Variants in BTG1 observed in about 807,000 individuals in gnomAD.
The protein encoded by BTG1 is protein BTG1.
In BTG1, 2 loss-of-function variants were observed where a neutral mutation model predicts 15.2. That is an observed-to-expected ratio of 0.13 (90% CI 0.05 to 0.41). The LOEUF is 0.41. Among genes scored for constraint, BTG1 ranks in the 10% least tolerant of loss-of-function variants. BTG1 has a pLI of 0.99. For missense variants in BTG1, 149 were observed against 215.0 expected (o/e 0.69, Z 1.92); for synonymous variants, 109 against 82.4 (o/e 1.32, Z -1.75).
chr12:92,145,230 C>T, intron 1 of BTG1, 158 bp downstream of exon 1: 1 of 1,169,412 alleles, frequency 8.6e-7, no homozygotes, highest in Non-Finnish European at 1.1e-6. Flanking sequence ...CGCGGGGAAC[C>T]GCTGTTAGCG....
chr12:92,143,930 ATTTT>A lies in BTG1; in HGVS notation c.*146_*149del. 1.2e-6 allele frequency: 1 copy of A among 806,296 alleles called. No homozygotes were observed. Among genetic ancestry groups the A allele is most frequent in the Non-Finnish European group, 1.8e-6 (1 of 545,620 alleles). The allele number at this position is 806,296 out of a possible 1,614,324, so 49.9% of individuals were successfully genotyped here. ...CCAAACTATGGCACTGTCACTTAAA[ATTTT>A]TTTTTTTTTTACCATTCTATCTTGT... On this transcript the variant is annotated 3_prime_UTR_variant, in exon 2 of 2. Transcript: ENST00000256015.
chr12:92,145,783 C>T lies in BTG1; in HGVS notation c.-248G>A. ...CACATCGCTCGGACCTCCCCAGCTG[C>T]CTCCGCCTCCAGCTCCGCAGCATTC... On this transcript the variant is annotated 5_prime_UTR_variant, in exon 1 of 2. Transcript: ENST00000256015. The T allele has an allele frequency of 3.6e-6, 1 of 277,074 alleles. No homozygotes were observed. The highest frequency in any genetic ancestry group is 6.7e-6 in the Non-Finnish European group (1 of 148,486). The allele number at this position is 277,074 out of a possible 1,614,324, so 17.2% of individuals were successfully genotyped here. A position where few individuals can be genotyped will look rare whatever the true frequency, so the allele number is the denominator to read the frequency against.
intron 1 of BTG1, 63 bp from the exon 2 acceptor site, chr12:92,144,510 C>A (rs2136948679): frequency 6.3e-7 from 1 of 1,585,884 alleles, no homozygotes; most frequent in South Asian, 1.2e-5. Flanking sequence ...CTGCGGATTC[C>A]TCCTACCCCA....
chr12:92,145,776 C>T lies in BTG1; in HGVS notation c.-241G>A. The T allele has an allele frequency of 3.6e-6, 1 of 280,382 alleles. No homozygotes were observed. The highest frequency in any genetic ancestry group is 6.6e-6 in the Non-Finnish European group (1 of 150,718). 17.4% of individuals were successfully genotyped at this position (280,382 alleles called of 1,614,324 possible). ...GCCTGGTCACATCGCTCGGACCTCC[C>T]CAGCTGCCTCCGCCTCCAGCTCCGC... On this transcript the variant is annotated 5_prime_UTR_variant, in exon 1 of 2. Transcript: ENST00000256015.
rs1870398467 is a variant in BTG1 at position 92,143,702 on chromosome 12, A to T, written c.*378T>A. 3.7e-6 allele frequency: 1 copy of T among 266,916 alleles called. No individual in the cohort carries two copies. Among genetic ancestry groups the T allele is most frequent in the Non-Finnish European group, 7.1e-6 (1 of 140,192 alleles). 16.5% of individuals were successfully genotyped at this position (266,916 alleles called of 1,614,324 possible). A position where few individuals can be genotyped will look rare whatever the true frequency, so the allele number is the denominator to read the frequency against. On this transcript the variant is annotated 3_prime_UTR_variant, in exon 2 of 2. Transcript: ENST00000256015. ...AAAAGGTTAACAATAACAACTTTCA[A>T]GTGTAATAGTGCAAATTCCCCTGCG...
intron 1 of BTG1, chr12:92,145,012 A>C: frequency 5.5e-6 from 1 of 182,058 alleles, no homozygotes. Flanking sequence ...TGGGCCGCCG[A>C]CCACGCAACG....
Position 92,142,129 on chromosome 12 carries a change from T to C in BTG1, c.*1951A>G, listed in dbSNP as rs1870272881. 1 of 232,286 alleles carries C rather than the reference T, an allele frequency of 4.3e-6. No homozygotes were observed. Among genetic ancestry groups the C allele is most frequent in the Non-Finnish European group, 8.5e-6 (1 of 117,458 alleles). The allele number at this position is 232,286 out of a possible 1,614,324, so 14.4% of individuals were successfully genotyped here. On this transcript the variant is annotated 3_prime_UTR_variant, in exon 2 of 2. Coordinates refer to ENST00000256015, the MANE Select transcript of BTG1 (RefSeq NM_001731.3). Reference sequence around the variant, plus strand: ...GTCCATGTGTTGCGGGTCTACGAATTCTAACTCTCGAGAATGGTGTGCCAA... The same window carrying C: ...GTCCATGTGTTGCGGGTCTACGAATCCTAACTCTCGAGAATGGTGTGCCAA...
rs752167067 is a variant in BTG1 at position 92,145,535 on chromosome 12, T to TGGGGGCGGCGTGC, written c.-13_-1dup. The TGGGGGCGGCGTGC allele has an allele frequency of 1.7e-5, 25 of 1,501,070 alleles. No homozygotes were observed. Among genetic ancestry groups the TGGGGGCGGCGTGC allele is most frequent in the Non-Finnish European group, 2.2e-5 (25 of 1,120,378 alleles). The allele number at this position is 1,501,070 out of a possible 1,614,324, so 93.0% of individuals were successfully genotyped here. A position where few individuals can be genotyped will look rare whatever the true frequency, so the allele number is the denominator to read the frequency against. ...GCGGCCCGGGTGTAGAAGGGATGCA[T>TGGGGGCGGCGTGC]GGGGGCGGCGTGCGGGGGCGGCCCG... On this transcript the variant is annotated 5_prime_UTR_variant, in exon 1 of 2. Transcript: ENST00000256015.
In BTG1 at chr12:92,144,339, C is replaced by T; in HGVS notation, c.257G>A (p.Arg86Gln). The stretch of plus-strand genomic sequence containing the variant: ...CAGCTCCTGACTGCTCAGTCCAATC[C>T]GCTGTGCTGCCTGTCCAATCAGAGG... ...MDPLIGQAAQ[R>Q]IGLSSQELFR... is the part of the protein sequence containing the mutation. Residue 86 changes from arginine to glutamine, a missense_variant, in exon 2 of 2, where the codon CGG becomes CAG. Transcript: ENST00000256015. 1 of 1,614,190 alleles carries T rather than the reference C, an allele frequency of 6.2e-7. No homozygotes were observed. Among genetic ancestry groups the T allele is most frequent in the Non-Finnish European group, 8.5e-7 (1 of 1,180,028 alleles).
Position 92,141,141 on chromosome 12 carries a change from C to A in BTG1, c.*2939G>T, listed in dbSNP as rs1870192463. The A allele has an allele frequency of 4.3e-6, 1 of 232,636 alleles. No homozygotes were observed. The highest frequency in any genetic ancestry group is 8.5e-6 in the Non-Finnish European group (1 of 117,764). The allele number at this position is 232,636 out of a possible 1,614,324, so 14.4% of individuals were successfully genotyped here. On this transcript the variant is annotated 3_prime_UTR_variant, in exon 2 of 2. Coordinates refer to ENST00000256015, the MANE Select transcript of BTG1 (RefSeq NM_001731.3). ...GGGAATACGGCTTCCTTCCTTTTAA[C>A]TTGAAGGCCAATTTCATAAACTGCA... is the stretch of plus-strand genomic sequence containing the variant.
In BTG1 at chr12:92,144,035, C is replaced by T. The variant is rs1188247562; in HGVS notation, c.*45G>A. ...AGAGGAGCCCACCCAAAGCAAAAAT[C>T]AAATTTATCCATCATCATCAGATGA... On this transcript the variant is annotated 3_prime_UTR_variant, in exon 2 of 2. Coordinates refer to ENST00000256015, the MANE Select transcript of BTG1 (RefSeq NM_001731.3). 94 of 1,595,678 alleles carry T rather than the reference C, an allele frequency of 5.9e-5. No individual in the cohort carries two copies. The highest frequency in any genetic ancestry group is 7.1e-5 in the Non-Finnish European group (84 of 1,175,496).
chr12:92,145,121 C>G (rs954959738), intron 1 of BTG1: 2 of 333,526 alleles, frequency 6.0e-6, no homozygotes, highest in Non-Finnish European at 1.0e-5. Flanking sequence ...CAGCTCCCGC[C>G]TCGGTGGGCT....
rs1056078168 is a variant in BTG1, at chr12:92,143,052, T to C, written c.*1028A>G. ...CAGCATGACCAGTGTGCAACAGAGA[T>C]TCAGTTTATAGAACCTGTCTTCTAA... On this transcript the variant is annotated 3_prime_UTR_variant, in exon 2 of 2. Coordinates refer to ENST00000256015, the MANE Select transcript of BTG1 (RefSeq NM_001731.3). 2.6e-5 allele frequency: 6 copies of C among 232,744 alleles called. No individual in the cohort carries two copies. Among genetic ancestry groups the C allele is most frequent in the Admixed American group, 5.6e-5 (1 of 17,776 alleles). The allele number at this position is 232,744 out of a possible 1,614,324, so 14.4% of individuals were successfully genotyped here. A position where few individuals can be genotyped will look rare whatever the true frequency, so the allele number is the denominator to read the frequency against.
chr12:92,141,255 T>G lies in BTG1; in HGVS notation c.*2825A>C, dbSNP rs1870204346. On this transcript the variant is annotated 3_prime_UTR_variant, in exon 2 of 2. Transcript: ENST00000256015. ...TTTGTGCAATGTACCTGAAAGCCAC[T>G]TTCTGGTGGCCTTTCCAGTCTATTA... 1 of 232,530 alleles carries G rather than the reference T, an allele frequency of 4.3e-6. No homozygotes were observed. The highest frequency in any genetic ancestry group is 8.5e-6 in the Non-Finnish European group (1 of 117,666). 14.4% of individuals were successfully genotyped at this position (232,530 alleles called of 1,614,324 possible).
At chr12:92,145,248 A>T (rs1870508408) in intron 1 of BTG1, 140 bp downstream of exon 1, 1 of 1,255,752 alleles carries the variant, frequency 8.0e-7, no homozygotes, top group South Asian at 2.1e-5. Flanking sequence ...GCGGCCACCC[A>T]GCGCAACCAC....
rs1261004483 is a variant in BTG1, at chr12:92,142,013, T to C, written c.*2067A>G. Reference sequence around the variant, plus strand: ...AGACCCATTTAAAAACAACCCTACCTGGTGTTTTTATTGTAATTCAAGTTT... The same window carrying C: ...AGACCCATTTAAAAACAACCCTACCCGGTGTTTTTATTGTAATTCAAGTTT... On this transcript the variant is annotated 3_prime_UTR_variant, in exon 2 of 2. Coordinates refer to ENST00000256015, the MANE Select transcript of BTG1 (RefSeq NM_001731.3). The C allele has an allele frequency of 4.3e-6, 1 of 231,754 alleles. No individual in the cohort carries two copies. The highest frequency in any genetic ancestry group is 8.5e-6 in the Non-Finnish European group (1 of 117,144). The allele number at this position is 231,754 out of a possible 1,614,324, so 14.4% of individuals were successfully genotyped here.
At position 92,142,988 on chromosome 12, in the gene BTG1, T is replaced by A. The variant is rs951271162; in HGVS notation, c.*1092A>T. 4 of 232,924 alleles carry A rather than the reference T, an allele frequency of 1.7e-5. No individual in the cohort carries two copies. The highest frequency in any genetic ancestry group is 5.6e-5 in the Admixed American group (1 of 17,782). The allele number at this position is 232,924 out of a possible 1,614,324, so 14.4% of individuals were successfully genotyped here. On this transcript the variant is annotated 3_prime_UTR_variant, in exon 2 of 2. Transcript: ENST00000256015. Reference sequence around the variant, plus strand: ...GTGTTTCCTGTAAAACCTAAACATGTATATACAGAGCATCTTCATTCCTCA... The same window carrying A: ...GTGTTTCCTGTAAAACCTAAACATGAATATACAGAGCATCTTCATTCCTCA...
chr12:92,145,585 GC>G lies in BTG1; in HGVS notation c.-51del. ...GGGGCGGCTGGGGCTCGGCGGCGCG[GC>G]CCCGACGGCGGAGCAGCCACCCCGG... On this transcript the variant is annotated 5_prime_UTR_variant, in exon 1 of 2. Coordinates refer to ENST00000256015, the MANE Select transcript of BTG1 (RefSeq NM_001731.3). 1 of 1,251,624 alleles carries G rather than the reference GC, an allele frequency of 8.0e-7. No homozygotes were observed. The highest frequency in any genetic ancestry group is 3.3e-5 in the South Asian group (1 of 30,606). 77.5% of individuals were successfully genotyped at this position (1,251,624 alleles called of 1,614,324 possible). A position where few individuals can be genotyped will look rare whatever the true frequency, so the allele number is the denominator to read the frequency against.
Position 92,145,508 on chromosome 12 carries a change from T to G in BTG1, c.28A>C (p.Thr10Pro), listed in dbSNP as rs1387453581. The G allele has an allele frequency of 1.9e-6, 3 of 1,578,510 alleles. No individual in the cohort carries two copies. Among genetic ancestry groups the G allele is most frequent in the Non-Finnish European group, 2.6e-6 (3 of 1,164,128 alleles). Residue 10 changes from threonine to proline, a missense_variant, in exon 1 of 2, where the codon ACC (threonine) becomes CCC (proline). By Grantham distance (38) the Thr-to-Pro change is conservative (BLOSUM62 -1). Coordinates refer to ENST00000256015, the MANE Select transcript of BTG1 (RefSeq NM_001731.3). Reference sequence around the variant, plus strand: ...GCGGCGGCGATCTCGCCTATCATGGTGGCGGCCCGGGTGTAGAAGGGATGC... The same window carrying G: ...GCGGCGGCGATCTCGCCTATCATGGGGGCGGCCCGGGTGTAGAAGGGATGC... MHPFYTRAA[T>P]MIGEIAAAVS...
Sources: gnomAD v4.1 joint callset for allele counts on GRCh38, gnomAD v4.1.1 for gene constraint, MANE v1.5 for transcripts, NCBI Gene and HGNC (gene_info 2026-07-23, HGNC 2026-07-21) for gene names.